DCHS1: variants seen among roughly 807,000 people sequenced by gnomAD.
The protein encoded by DCHS1 is protocadherin-16.
DCHS1 carries 78 observed loss-of-function variants against 213.9 expected under a neutral mutation model. That is an observed-to-expected ratio of 0.36 (90% CI 0.30 to 0.44). DCHS1 has a LOEUF of 0.44. DCHS1 is among the 20% of genes least tolerant of loss of function. The pLI is 1.00. For missense variants in DCHS1, 3,946 were observed against 4,395.9 expected, an observed-to-expected ratio of 0.90 and a Z score of 2.89; for synonymous variants, 1,828 against 1,873.7, an observed-to-expected ratio of 0.98 and a Z score of 0.63.
chr11:6,634,292 G>A lies in DCHS1; in HGVS notation c.1812C>T (p.Asp604=), dbSNP rs137978102. 3.9e-5 allele frequency: 63 copies of A among 1,600,770 alleles called. No individual in the cohort carries two copies. The highest frequency in any genetic ancestry group is 6.8e-5 in the Admixed American group (4 of 58,898). The change falls in exon 3 of 21, where the codon GAC becomes GAT. Residue 604 remains aspartate, a synonymous_variant. Transcript: ENST00000299441. The part of the protein sequence containing the change: ...GTCFLQVTAT[D]ADSGPFGLLS... ...GGAGGCCAAATGGGCCACTATCCGC[G>A]TCTGTGGCTGTCACCTAGGGAGAGG...
chr11:6,624,853 G>C lies in DCHS1; in HGVS notation c.7162C>G (p.His2388Asp). 1.2e-6 allele frequency: 2 copies of C among 1,613,834 alleles called. No homozygotes were observed. The highest frequency in any genetic ancestry group is 1.1e-5 in the South Asian group (1 of 91,052). The change falls in exon 20 of 21, where the codon CAC becomes GAC. Residue 2388 changes from histidine (H) to aspartate (D), a missense_variant. This residue lies in a region of DCHS1 where 3,384 missense variants were observed against 3,780.1 expected (regional missense o/e 0.90). Transcript: ENST00000299441. ...QSLYQVMLLE[H>D]TPPGSAILSV... ...AGAATGGCACTGCCTGGGGGTGTGT[G>C]CTCAAGCAGCATTACCTGAAGTGTG...
At position 6,623,490 on chromosome 11, in the gene DCHS1, T is replaced by C. The variant is rs148148252; in HGVS notation, c.8186A>G (p.His2729Arg). ...AGCCCCAGCATCCCCGTCGATTGCATGCAGAGTGGTCACGAGAGTGCCTGG... is the reference window on the plus strand; with the variant it reads ...AGCCCCAGCATCCCCGTCGATTGCACGCAGAGTGGTCACGAGAGTGCCTGG... ...QPPGTLVTTL[H>R]AIDGDAGAFG... The change falls in exon 21 of 21, where the codon CAT becomes CGT. Residue 2729 changes from histidine (H) to arginine (R), a missense_variant. By Grantham distance (29) the His-to-Arg change is conservative. Around this residue, in one of 3 missense-constraint regions of DCHS1, gnomAD observed 3,384 missense variants for 3,780.1 expected, o/e 0.90. Coordinates refer to ENST00000299441, the MANE Select transcript of DCHS1 (RefSeq NM_003737.4). The C allele has an allele frequency of 1.3e-6, 2 of 1,593,200 alleles. No homozygotes were observed. The highest frequency in any genetic ancestry group is 1.3e-5 in the African/African-American group (1 of 74,346).
At chr11:6,646,122 A>ACACACACCCACCCTC (rs1856150665) in intron 1 of DCHS1, among the ~76,000 whole-genome samples, 4 of 151,420 alleles carry the variant, frequency 2.6e-5, no homozygotes, top group East Asian at 1.9e-4. Flanking sequence ...CCCCACATAC[A>ACACACACCCACCCTC]CACACACACC....
At chr11:6,638,856 G>A (rs1856023070) in intron 2 of DCHS1, among the ~76,000 whole-genome samples, 1 of 152,120 alleles carries the variant, frequency 6.6e-6, no homozygotes, top group African/African-American at 2.4e-5. Flanking sequence ...AACCCAACCT[G>A]ATCATTCACT....
rs1447487713 is a variant in DCHS1, at chr11:6,622,517, C to A, written c.9159G>T (p.Val3053=). The A allele has an allele frequency of 6.3e-7, 1 of 1,578,298 alleles. No individual in the cohort carries two copies. The highest frequency in any genetic ancestry group is 1.8e-5 in the Admixed American group (1 of 54,446). ...CAGCCAGAGAGGAGGCCACACTGGCCACACGGGGGAACTCATTGATCATGC... is the reference window on the plus strand; with the variant it reads ...CAGCCAGAGAGGAGGCCACACTGGCAACACGGGGGAACTCATTGATCATGC... ...EIRMINEFPR[V]ASVASSLAAR... The change falls in exon 21 of 21, where the codon GTG becomes GTT. Residue 3053 remains valine, a synonymous_variant. Coordinates refer to ENST00000299441, the MANE Select transcript of DCHS1 (RefSeq NM_003737.4). The surrounding 1 kb of genome is among the most constrained non-coding windows in gnomAD (Gnocchi z 5.4).
chr11:6,641,494 G>A lies in DCHS1; in HGVS notation c.120C>T (p.Ala40=). 6.4e-7 allele frequency: 1 copy of A among 1,564,634 alleles called. No homozygotes were observed. Among genetic ancestry groups the A allele is most frequent in the Non-Finnish European group, 8.7e-7 (1 of 1,155,568 alleles). The change falls in exon 2 of 21, where the codon GCC becomes GCT. Residue 40 remains alanine, a synonymous_variant. Coordinates refer to ENST00000299441, the MANE Select transcript of DCHS1 (RefSeq NM_003737.4). This position sits in a 1 kb window ranked among gnomAD's most constrained non-coding sequence, Gnocchi z 7.1. ...AGTCCAGGCTCCCAGCCTGACCCCAGGCACCTGGCACCCCAGCCCCCAGCA... is the reference window on the plus strand; with the variant it reads ...AGTCCAGGCTCCCAGCCTGACCCCAAGCACCTGGCACCCCAGCCCCCAGCA... ...LLLLGAGVPG[A]WGQAGSLDLQ...
intron 1 of DCHS1, among the ~76,000 whole-genome samples, chr11:6,653,076 T>C (rs186109152): frequency 1.3e-5 from 2 of 152,308 alleles, no homozygotes; most frequent in Non-Finnish European, 2.9e-5. Context: ...CTCTCCATTA[T>C]TCTTGGGTTA....
chr11:6,651,892 C>T (rs1361684238), intron 1 of DCHS1, among the ~76,000 whole-genome samples: 1 of 152,090 alleles, frequency 6.6e-6, no homozygotes, highest in African/African-American at 2.4e-5. Flanking sequence ...GTGAGCTATA[C>T]AGTAAAGAGC....
intron 2 of DCHS1, 103 bp downstream of exon 2, chr11:6,639,714 C>A: frequency 1.0e-6 from 1 of 990,584 alleles, no homozygotes; most frequent in South Asian, 1.7e-5. Flanking sequence ...TAGCATAAGT[C>A]ACCATCAACA....
chr11:6,630,909 A>G (rs939977747), intron 9 of DCHS1, 46 bp from the exon 10 acceptor site: 8 of 1,495,912 alleles, frequency 5.3e-6, no homozygotes, highest in Non-Finnish European at 7.1e-6. Context: ...GGGCCCGTGT[A>G]AAAGGGGATC....
rs746596862 is a variant in DCHS1, at chr11:6,630,325, G to T, written c.4469C>A (p.Ala1490Glu). ...CGGAGCGCTGAGCGCCCCGGTGCGC[G>T]CGTCCAGGCGAAGCGCCGGCACGGG... ...EPPVPALRLD[A>E]RTGALSAPRG... Residue 1490 changes from alanine to glutamate, a missense_variant, in exon 10 of 21, where the codon GCG becomes GAG. Physicochemically the swap from Ala to Glu is moderately radical, Grantham distance 107. Transcript: ENST00000299441. 359 of 1,329,888 alleles carry T rather than the reference G, an allele frequency of 2.7e-4. 1 individual carries two copies. The highest frequency in any genetic ancestry group is 3.2e-4 in the Non-Finnish European group (335 of 1,042,604). 82.4% of individuals were successfully genotyped at this position (1,329,888 alleles called of 1,614,324 possible).
Position 6,621,669 on chromosome 11 carries a change from G to A in DCHS1, c.*110C>T. On this transcript the variant is annotated 3_prime_UTR_variant, in exon 21 of 21. Transcript: ENST00000299441. Reference sequence around the variant, plus strand: ...GGGTGGAGAGCTGGGGCCTGGTGGTGGCCTCCCCGTAGCCAGTCATAGTCC... The same window carrying A: ...GGGTGGAGAGCTGGGGCCTGGTGGTAGCCTCCCCGTAGCCAGTCATAGTCC... 7.7e-7 allele frequency: 1 copy of A among 1,291,650 alleles called. No individual in the cohort carries two copies. The highest frequency in any genetic ancestry group is 1.1e-6 in the Non-Finnish European group (1 of 924,644). 80.0% of individuals were successfully genotyped at this position (1,291,650 alleles called of 1,614,324 possible).
At chr11:6,648,432 C>T (rs941911075) in intron 1 of DCHS1, among the ~76,000 whole-genome samples, 2 of 152,136 alleles carry the variant, frequency 1.3e-5, no homozygotes, top group Non-Finnish European at 2.9e-5. Flanking sequence ...GAAGTGGACA[C>T]TAAATTTAGC....
At position 6,639,800 on chromosome 11, in the gene DCHS1, G is replaced by A; in HGVS notation, c.1797+17C>T. On this transcript the variant is annotated intron_variant, in intron 2 of 20. Transcript: ENST00000299441. ...GATTCCCCCAACACTATCTTGCTATGTGCCAGGCCTACCCACCTGCAGGAA... is the reference window on the plus strand; with the variant it reads ...GATTCCCCCAACACTATCTTGCTATATGCCAGGCCTACCCACCTGCAGGAA... 2 of 1,569,240 alleles carry A rather than the reference G, an allele frequency of 1.3e-6. No individual in the cohort carries two copies. The highest frequency in any genetic ancestry group is 1.2e-5 in the South Asian group (1 of 84,018).
chr11:6,652,771 T>C (rs1400326232), intron 1 of DCHS1, among the ~76,000 whole-genome samples: 2 of 152,320 alleles, frequency 1.3e-5, no homozygotes, highest in East Asian at 3.9e-4. Flanking sequence ...ATTTCCTCAG[T>C]GAGCCAGAAG....
At position 6,632,231 on chromosome 11, in the gene DCHS1, C is replaced by T. The variant is rs1350144444; in HGVS notation, c.3281G>A (p.Ser1094Asn). ...ACTGTGTTCATTCTGGTTGAGGATG[C>T]TGACCCTCACGGTGGCTGTGCCTGT... ...QQTGTATVRV[S>N]ILNQNEHSPR... The change falls in exon 6 of 21, where the codon AGC (serine) becomes AAC (asparagine). Residue 1094 changes from serine (S) to asparagine (N), a missense_variant. Coordinates refer to ENST00000299441, the MANE Select transcript of DCHS1 (RefSeq NM_003737.4). The surrounding 1 kb of genome is among the most constrained non-coding windows in gnomAD (Gnocchi z 5.9). 2.1e-5 allele frequency: 34 copies of T among 1,613,412 alleles called. No homozygotes were observed. The highest frequency in any genetic ancestry group is 2.8e-5 in the Non-Finnish European group (33 of 1,179,498).
At position 6,627,470 on chromosome 11, in the gene DCHS1, C is replaced by A; in HGVS notation, c.5569G>T (p.Val1857Leu). Residue 1857 changes from valine (V) to leucine (L), a missense_variant, in exon 14 of 21, where the codon GTG becomes TTG. This residue lies in a region of DCHS1 where 3,384 missense variants were observed against 3,780.1 expected (regional missense o/e 0.90). Transcript: ENST00000299441. This position sits in a 1 kb window ranked among gnomAD's most constrained non-coding sequence, Gnocchi z 5.4. ...GGCACCTCCACCGAGTAGGCAGGCA[C>A]AGGAAAGGCTGGAGCATGGTCATTG... ...DANDHAPAFP[V>L]PAYSVEVPED... 6.2e-7 allele frequency: 1 copy of A among 1,611,580 alleles called. No individual in the cohort carries two copies. Among genetic ancestry groups the A allele is most frequent in the South Asian group, 1.1e-5 (1 of 90,646 alleles).
At position 6,622,131 on chromosome 11, in the gene DCHS1, T is replaced by C; in HGVS notation, c.9545A>G (p.Glu3182Gly). ...QFQPLASVFT[E>G]IARLKDEARP... Reference sequence around the variant, plus strand: ...AGCTTCATCCTTGAGCCGAGCGATCTCTGTGAAGACACTGGCCAGTGGTTG... The same window carrying C: ...AGCTTCATCCTTGAGCCGAGCGATCCCTGTGAAGACACTGGCCAGTGGTTG... Residue 3182 changes from glutamate to glycine, a missense_variant, in exon 21 of 21, where the codon GAG becomes GGG. Glu to Gly is a moderately conservative substitution (Grantham distance 98). This residue lies in a region of DCHS1 where 554 missense variants were observed against 590.2 expected (regional missense o/e 0.94). Transcript: ENST00000299441. This position sits in a 1 kb window ranked among gnomAD's most constrained non-coding sequence, Gnocchi z 5.4. 6.2e-7 allele frequency: 1 copy of C among 1,612,996 alleles called. No individual in the cohort carries two copies. Among genetic ancestry groups the C allele is most frequent in the Non-Finnish European group, 8.5e-7 (1 of 1,179,788 alleles).
chr11:6,644,749 T>C (rs1856131477), intron 1 of DCHS1, among the ~76,000 whole-genome samples: 1 of 152,136 alleles, frequency 6.6e-6, no homozygotes, highest in African/African-American at 2.4e-5. Flanking sequence ...CGTAACACAC[T>C]CAGAGAGACA....
Sources: allele counts gnomAD v4.1 joint callset (sites outside exome capture counted in the v4.1 genomes callset), GRCh38; gene constraint gnomAD v4.1.1; regional missense constraint gnomAD v4.1.1; non-coding constraint Gnocchi (gnomAD v3.1); transcripts MANE v1.5; gene names NCBI Gene and HGNC (gene_info 2026-07-23, HGNC 2026-07-21).